CLNK: variants seen among roughly 807,000 people sequenced by gnomAD.
The protein encoded by CLNK is cytokine dependent hematopoietic cell linker, also known as cytokine-dependent hematopoietic cell linker.
CLNK carries 74 observed loss-of-function variants against 68.6 expected under a neutral mutation model. The observed-to-expected ratio is 1.08, with a 90% CI of 0.89 to 1.31. The LOEUF (loss-of-function observed/expected upper bound fraction) is 1.31, where lower values mean the gene tolerates loss of function less well. CLNK is among the 50% of genes most tolerant of loss of function. The pLI, the probability that CLNK is intolerant of heterozygous loss-of-function variation, is 0.00. For synonymous variants in CLNK, 198 were observed against 172.2 expected, an observed-to-expected ratio of 1.15 and a Z score of -1.17; for missense variants, 553 against 515.3, an observed-to-expected ratio of 1.07 and a Z score of -0.71.
chr4:10,682,641 A>G (rs1198919347), intron 1 of CLNK, among the ~76,000 whole-genome samples: 1 of 152,230 alleles, frequency 6.6e-6, no homozygotes, highest in African/African-American at 2.4e-5. Context: ...CTAAAGACGA[A>G]CAGTAAAGTC....
At chr4:10,727,870 G>C in the CLNK span, among the ~76,000 whole-genome samples, 1 of 152,124 alleles carries the variant, frequency 6.6e-6, no homozygotes, top group Non-Finnish European at 1.5e-5. Context: ...CATATTCCTG[G>C]GCCCCAACCA....
intron 3 of CLNK, among the ~76,000 whole-genome samples, chr4:10,589,287 G>C (rs897548718): frequency 6.6e-6 from 1 of 152,156 alleles, no homozygotes; most frequent in African/African-American, 2.4e-5. Context: ...GCTGGGATTT[G>C]TCCGAGTCCC....
intron 4 of CLNK, among the ~76,000 whole-genome samples, chr4:10,582,797 G>A (rs185553718): frequency 4.1e-4 from 63 of 152,226 alleles, no homozygotes; most frequent in South Asian, 1.2e-3. Flanking sequence ...TTACTATACT[G>A]TTACCACAAA....
chr4:10,652,419 C>G (rs12509884), intron 2 of CLNK, among the ~76,000 whole-genome samples: 1 of 140,696 alleles, frequency 7.1e-6, no homozygotes. Context: ...AAAAAGACAT[C>G]TGTTTCACTA....
At position 10,581,005 on chromosome 4, in the gene CLNK, C is replaced by T. The variant is rs951409283; in HGVS notation, c.112+3922G>A. Among the ~76,000 whole-genome samples the T allele has an allele frequency of 3.3e-4, 50 of 152,162 alleles. 2 individuals are homozygous for T. Among genetic ancestry groups the T allele is most frequent in the Non-Finnish European group, 1.0e-4 (7 of 68,030 alleles). On this transcript the variant is annotated intron_variant, in intron 4 of 18. Coordinates refer to ENST00000226951, the MANE Select transcript of CLNK (RefSeq NM_052964.4). ...GCAAGCTCCCTTTATGGTAAGTGTC[C>T]TACACAGGTGTACCCCTTTTATCTT...
intron 2 of CLNK, among the ~76,000 whole-genome samples, chr4:10,615,392 G>A (rs781470844): frequency 5.3e-5 from 8 of 152,072 alleles, no homozygotes; most frequent in Non-Finnish European, 8.8e-5. Flanking sequence ...AAGGAGGAAG[G>A]AGAATCGCTT....
the CLNK span, among the ~76,000 whole-genome samples, chr4:10,698,677 T>C: frequency 6.6e-6 from 1 of 152,186 alleles, no homozygotes; most frequent in African/African-American, 2.4e-5. Context: ...ATCTTTCAAC[T>C]TAAGTAGTGA....
At position 10,678,719 on chromosome 4, in the gene CLNK, T is replaced by C. The variant is rs989798176; in HGVS notation, c.-43+5949A>G. 9.2e-5 allele frequency among the ~76,000 whole-genome samples: 14 copies of C among 152,198 alleles called. No homozygotes were observed. The East Asian group carries it at 2.7e-3, about 29-fold the overall frequency. On this transcript the variant is annotated intron_variant, in intron 1 of 18. Coordinates refer to ENST00000226951, the MANE Select transcript of CLNK (RefSeq NM_052964.4). ...CAATGTGCAAAAATCACTAGCATTCTTATACACCAATAACAGACAAACAGA... is the reference window on the plus strand; with the variant it reads ...CAATGTGCAAAAATCACTAGCATTCCTATACACCAATAACAGACAAACAGA...
chr4:10,532,917 CA>C (rs879629549), intron 11 of CLNK, among the ~76,000 whole-genome samples: 1 of 152,108 alleles, frequency 6.6e-6, no homozygotes, highest in Admixed American at 6.6e-5. Context: ...AAAATGGCAA[CA>C]AGAGTGCTCA....
chr4:10,584,022 A>G (rs1264235381), intron 4 of CLNK, among the ~76,000 whole-genome samples: 1 of 152,212 alleles, frequency 6.6e-6, no homozygotes, highest in African/African-American at 2.4e-5. Context: ...TTGATACTAA[A>G]GACCCCAACA....
chr4:10,553,055 G>GC (rs1436019956), intron 8 of CLNK, among the ~76,000 whole-genome samples: 1 of 151,968 alleles, frequency 6.6e-6, no homozygotes. Flanking sequence ...AAGAGGAGGG[G>GC]GGGGCATGCA....
intron 18 of CLNK, among the ~76,000 whole-genome samples, chr4:10,500,698 T>C (rs1042084867): frequency 3.3e-5 from 5 of 151,040 alleles, no homozygotes; most frequent in African/African-American, 1.2e-4. Context: ...GCAGATAGAC[T>C]AGGCCTGGCA....
intron 2 of CLNK, among the ~76,000 whole-genome samples, chr4:10,645,947 C>A (rs1723494353): frequency 6.6e-6 from 1 of 152,002 alleles, no homozygotes; most frequent in South Asian, 2.1e-4. Flanking sequence ...AGTAGATGCC[C>A]ATTATTTATT....
At chr4:10,598,174 A>T (rs889558709) in intron 2 of CLNK, 125 bp from the exon 3 acceptor site, 10 of 653,162 alleles carry the variant, frequency 1.5e-5, no homozygotes, top group African/African-American at 1.3e-4. Flanking sequence ...CTCACACATA[A>T]TTCTGAATCT....
chr4:10,547,239 CA>C (rs1294111745), intron 8 of CLNK, among the ~76,000 whole-genome samples: 2 of 152,130 alleles, frequency 1.3e-5, no homozygotes, highest in African/African-American at 4.8e-5. Context: ...GTGCCCAGAT[CA>C]CATGGGGTCT....
chr4:10,582,201 C>A (rs1293695118), intron 4 of CLNK, among the ~76,000 whole-genome samples: 1 of 152,118 alleles, frequency 6.6e-6, no homozygotes, highest in Non-Finnish European at 1.5e-5. Context: ...GGGGAGAGAA[C>A]CAGGAGGATC....
chr4:10,681,001 A>G (rs1318972013), intron 1 of CLNK, among the ~76,000 whole-genome samples: 3 of 152,080 alleles, frequency 2.0e-5, no homozygotes, highest in African/African-American at 7.2e-5. Flanking sequence ...ATATATATAT[A>G]TAAATTTCTA....
intron 18 of CLNK, among the ~76,000 whole-genome samples, chr4:10,496,194 T>A (rs1716803732): frequency 6.6e-6 from 1 of 152,224 alleles, no homozygotes; most frequent in African/African-American, 2.4e-5. Flanking sequence ...ATTCAAAAGT[T>A]GCAAGATAGC....
the CLNK span, among the ~76,000 whole-genome samples, chr4:10,722,917 G>C: frequency 6.6e-6 from 1 of 152,104 alleles, no homozygotes; most frequent in African/African-American, 2.4e-5. Context: ...AGGTGTGGTG[G>C]TGCATACCTG....
Sources: allele counts gnomAD v4.1 joint callset (sites outside exome capture counted in the v4.1 genomes callset), GRCh38; gene constraint gnomAD v4.1.1; transcripts MANE v1.5; gene names NCBI Gene and HGNC (gene_info 2026-07-23, HGNC 2026-07-21).